ARAP2: variants seen among roughly 807,000 people sequenced by gnomAD.
ARAP2 encodes the protein arf-GAP with Rho-GAP domain, ANK repeat and PH domain-containing protein 2.
In ARAP2, 148 loss-of-function variants were observed where a neutral mutation model predicts 194.5. The observed-to-expected ratio is 0.76, with a 90% CI of 0.67 to 0.87. The LOEUF (loss-of-function observed/expected upper bound fraction) is 0.87, where lower values mean the gene tolerates loss of function less well. Ranked by LOEUF, ARAP2 falls within the 40% of genes least tolerant of loss-of-function variation. The pLI, the probability that ARAP2 is intolerant of heterozygous loss-of-function variation, is 0.00. For missense variants in ARAP2, 2,128 were observed against 1,989.7 expected (o/e 1.07, Z -1.32); for synonymous variants, 695 against 683.5 (o/e 1.02, Z -0.26).
intron 3 of ARAP2, 68 bp downstream of exon 3, chr4:36,214,354 T>A: frequency 7.4e-7 from 1 of 1,355,798 alleles, no homozygotes; most frequent in Non-Finnish European, 1.0e-6. Flanking sequence ...TTCGCAATCA[T>A]GATTTTAACA....
chr4:36,230,041 T>C (rs1751132307), intron 1 of ARAP2, among the ~76,000 whole-genome samples: 1 of 152,190 alleles, frequency 6.6e-6, no homozygotes, highest in South Asian at 2.1e-4. Context: ...TAGAATAGGA[T>C]AGCTAGCTTA....
At chr4:36,075,175 T>A (rs1266902720) in intron 31 of ARAP2, among the ~76,000 whole-genome samples, 2 of 152,138 alleles carry the variant, frequency 1.3e-5, no homozygotes, top group Non-Finnish European at 2.9e-5. Context: ...TTTTGTGAAT[T>A]ACCCTTACAC....
At chr4:36,221,194 G>A (rs1749093763) in intron 2 of ARAP2, among the ~76,000 whole-genome samples, 1 of 151,988 alleles carries the variant, frequency 6.6e-6, no homozygotes, top group African/African-American at 2.4e-5. Flanking sequence ...TATAGCCTCG[G>A]TGTGTAATAG....
intron 9 of ARAP2, among the ~76,000 whole-genome samples, chr4:36,172,992 T>C (rs1736993800): frequency 6.6e-6 from 1 of 152,120 alleles, no homozygotes; most frequent in Non-Finnish European, 1.5e-5. Flanking sequence ...CCAGGGAACA[T>C]TATGTTGGGG....
intron 27 of ARAP2, among the ~76,000 whole-genome samples, chr4:36,100,789 AT>A (rs1156984159): frequency 7.9e-5 from 12 of 151,938 alleles, no homozygotes; most frequent in Admixed American, 7.9e-4. Flanking sequence ...TTGAAGATTT[AT>A]TTTTAGAACA....
chr4:36,038,866 G>T (rs1378891572), intron 5 of ARAP2, among the ~76,000 whole-genome samples: 3 of 152,132 alleles, frequency 2.0e-5, no homozygotes, highest in African/African-American at 7.2e-5. Flanking sequence ...AGAATGGAAA[G>T]CAATCTTGTA....
rs1320333297 is a variant in ARAP2 at position 36,229,134 on chromosome 4, G to A, written c.353C>T (p.Pro118Leu). The A allele has an allele frequency of 3.7e-6, 6 of 1,613,906 alleles. No homozygotes were observed. Among genetic ancestry groups the A allele is most frequent in the Admixed American group, 1.7e-5 (1 of 59,966 alleles). ...ATTTTTTCTAACAGTCTCCAACTGC[G>A]GTGGGCTAGATGTCTGAACACTACC... ...NSGSVQTSSP[P>L]QLETVRKNLE... The change falls in exon 2 of 33, where the codon CCG (proline) becomes CTG (leucine). Residue 118 changes from proline to leucine, a missense_variant. Pro to Leu is a moderately conservative substitution (Grantham distance 98). Coordinates refer to ENST00000303965, the MANE Select transcript of ARAP2 (RefSeq NM_015230.4).
chr4:36,154,500 G>A (rs1040787326), intron 15 of ARAP2, among the ~76,000 whole-genome samples: 3 of 151,812 alleles, frequency 2.0e-5, no homozygotes, highest in African/African-American at 4.8e-5. Context: ...GATATCAAGG[G>A]AAAAAATATG....
chr4:36,064,206 C>CT (rs3055214), downstream of ARAP2, among the ~76,000 whole-genome samples: 26 of 144,210 alleles, frequency 1.8e-4, no homozygotes, highest in Admixed American at 1.3e-3. Context: ...TTTTTTCTTT[C>CT]TTTTTTTTTT....
At chr4:36,212,321 T>C in intron 5 of ARAP2, 75 bp downstream of exon 5, 4 of 1,255,622 alleles carry the variant, frequency 3.2e-6, no homozygotes, top group Non-Finnish European at 3.4e-6. Context: ...CACAATATTA[T>C]ACTAAGAATG....
intron 2 of ARAP2, among the ~76,000 whole-genome samples, chr4:36,225,296 T>G (rs1750071277): frequency 6.6e-6 from 1 of 152,182 alleles, no homozygotes. Flanking sequence ...GCATGAAAGA[T>G]GTACAAAAAT....
chr4:36,213,609 C>T (rs1052081670), intron 3 of ARAP2, among the ~76,000 whole-genome samples: 1 of 152,010 alleles, frequency 6.6e-6, no homozygotes. Flanking sequence ...ATTAACATAA[C>T]CAAATACATT....
chr4:36,032,224 A>G (rs563361574), intron 5 of ARAP2, among the ~76,000 whole-genome samples: 1 of 152,304 alleles, frequency 6.6e-6, no homozygotes, highest in South Asian at 2.1e-4. Context: ...TCACAGGTCA[A>G]GAACATAGAC....
At chr4:36,122,315 C>T (rs1167567693) in intron 22 of ARAP2, among the ~76,000 whole-genome samples, 1 of 151,778 alleles carries the variant, frequency 6.6e-6, no homozygotes, top group Non-Finnish European at 1.5e-5. Flanking sequence ...GACACAGACA[C>T]ACATATATTC....
At chr4:36,018,066 T>G (rs1716198954) in intron 6 of ARAP2, among the ~76,000 whole-genome samples, 1 of 152,218 alleles carries the variant, frequency 6.6e-6, no homozygotes, top group Non-Finnish European at 1.5e-5. Flanking sequence ...ATTTCAAGTT[T>G]ATAATAAAAT....
Position 36,121,240 on chromosome 4 carries a change from T to C in ARAP2, c.3833A>G (p.Gln1278Arg). 6.2e-7 allele frequency: 1 copy of C among 1,608,128 alleles called. No individual in the cohort carries two copies. The highest frequency in any genetic ancestry group is 8.5e-7 in the Non-Finnish European group (1 of 1,176,462). ...FSSCLFQTKG[Q>R]TSEEVNVIED... Reference sequence around the variant, plus strand: ...AATTACATTCACTTCTTCACTAGTTTGTCCCTTCGTTTGAAACAAACAGGA... The same window carrying C: ...AATTACATTCACTTCTTCACTAGTTCGTCCCTTCGTTTGAAACAAACAGGA... Residue 1278 changes from glutamine to arginine, a missense_variant, in exon 23 of 33, where the codon CAA becomes CGA. Transcript: ENST00000303965.
At chr4:36,034,247 G>A (rs13141087) in intron 5 of ARAP2, among the ~76,000 whole-genome samples, 111,592 of 151,672 alleles carry the variant, frequency 0.74, 41,992 homozygotes, top group Admixed American at 0.85. Flanking sequence ...ATGGTCATTT[G>A]AATGATATTG....
chr4:36,203,959 T>TG (rs1307310507), intron 6 of ARAP2, among the ~76,000 whole-genome samples: 2 of 152,042 alleles, frequency 1.3e-5, no homozygotes, highest in Admixed American at 6.6e-5. Context: ...GATTTATTTG[T>TG]GAAAAAGTAA....
intron 15 of ARAP2, among the ~76,000 whole-genome samples, chr4:36,155,776 A>T (rs1332896508): frequency 6.6e-6 from 1 of 151,620 alleles, no homozygotes; most frequent in African/African-American, 2.4e-5. Flanking sequence ...CATTCTCCTA[A>T]AAAGGTCTTT....
Sources: allele counts gnomAD v4.1 joint callset (sites outside exome capture counted in the v4.1 genomes callset), GRCh38; gene constraint gnomAD v4.1.1; transcripts MANE v1.5; gene names NCBI Gene and HGNC (gene_info 2026-07-23, HGNC 2026-07-21).